RIT2: variants seen among roughly 807,000 people sequenced by gnomAD.
RIT2 encodes GTP-binding protein Rit2.
Under a neutral mutation model 23.7 loss-of-function variants are expected in RIT2, and 24 were observed. The ratio of observed to expected loss-of-function variants is 1.01; its 90% CI spans 0.73 to 1.43. RIT2 has a LOEUF of 1.43. Among genes scored for constraint, RIT2 ranks in the 40% most tolerant of loss-of-function variants. The pLI, the probability that RIT2 is intolerant of heterozygous loss-of-function variation, is 0.00. For synonymous variants in RIT2, 107 were observed against 91.1 expected (o/e 1.17, Z -0.99); for missense variants, 236 against 266.9 (o/e 0.88, Z 0.81).
intron 3 of RIT2, among the ~76,000 whole-genome samples, chr18:42,929,743 C>A: frequency 6.6e-6 from 1 of 152,106 alleles, no homozygotes; most frequent in African/African-American, 2.4e-5. Context: ...GGCTTGGGAC[C>A]CTGGGCAGCT....
At position 42,814,800 on chromosome 18, in the gene RIT2, C is replaced by A. The variant is rs193143541; in HGVS notation, c.427-71080G>T. Among the ~76,000 whole-genome samples, 184 of 152,236 alleles carry A rather than the reference C, an allele frequency of 1.2e-3. 1 individual carries two copies. The highest frequency in any genetic ancestry group is 1.9e-4 in the East Asian group (1 of 5,160). On this transcript the variant is annotated intron_variant, in intron 4 of 4. Coordinates refer to ENST00000326695, the MANE Select transcript of RIT2 (RefSeq NM_002930.4). ...TCATTAAACCACCAAAGCTAAGAACCCTTACAGAGTCCATTCTCCTCTCCC... is the reference window on the plus strand; with the variant it reads ...TCATTAAACCACCAAAGCTAAGAACACTTACAGAGTCCATTCTCCTCTCCC...
chr18:42,813,235 C>A (rs952940877), intron 4 of RIT2, among the ~76,000 whole-genome samples: 2 of 152,064 alleles, frequency 1.3e-5, no homozygotes, highest in African/African-American at 2.4e-5. Flanking sequence ...TTAATAGGTT[C>A]TCTTATTAAA....
chr18:42,743,810 C>T lies in RIT2; in HGVS notation c.427-90G>A, dbSNP rs1199476033. On this transcript the variant is annotated intron_variant, in intron 4 of 4. Coordinates refer to ENST00000326695, the MANE Select transcript of RIT2 (RefSeq NM_002930.4). Reference sequence around the variant, plus strand: ...TCTCTACTAGAGCTGTGTGTCAGGCCTCTGAGCCCAAGCCAAGCCATCGTA... The same window carrying T: ...TCTCTACTAGAGCTGTGTGTCAGGCTTCTGAGCCCAAGCCAAGCCATCGTA... 3 of 995,194 alleles carry T rather than the reference C, an allele frequency of 3.0e-6. No homozygotes were observed. The East Asian group carries it at 7.8e-5, about 26-fold the overall frequency. The allele number at this position is 995,194 out of a possible 1,614,324, so 61.6% of individuals were successfully genotyped here. A position where few individuals can be genotyped will look rare whatever the true frequency, so the allele number is the denominator to read the frequency against.
intron 2 of RIT2, among the ~76,000 whole-genome samples, chr18:43,010,342 C>G (rs1911323336): frequency 6.6e-6 from 1 of 151,792 alleles, no homozygotes; most frequent in South Asian, 2.1e-4. Flanking sequence ...ATTGTTTTCT[C>G]ACCATCTTAT....
At chr18:43,037,419 G>A (rs990062710) in intron 1 of RIT2, among the ~76,000 whole-genome samples, 1 of 151,984 alleles carries the variant, frequency 6.6e-6, no homozygotes, top group Non-Finnish European at 1.5e-5. Context: ...TATTTTGGGG[G>A]TTTATTCCTA....
At chr18:42,784,715 T>C (rs1913886956) in intron 4 of RIT2, among the ~76,000 whole-genome samples, 1 of 152,150 alleles carries the variant, frequency 6.6e-6, no homozygotes, top group African/African-American at 2.4e-5. Context: ...AAATCTTTTA[T>C]CTATCATTAA....
chr18:42,775,353 A>G (rs564663368), intron 4 of RIT2, among the ~76,000 whole-genome samples: 1 of 152,294 alleles, frequency 6.6e-6, no homozygotes, highest in African/African-American at 2.4e-5. Context: ...TAAATCAACT[A>G]TGTGTCCAGA....
chr18:42,823,838 C>A (rs911779557), intron 4 of RIT2, among the ~76,000 whole-genome samples: 4 of 152,050 alleles, frequency 2.6e-5, no homozygotes, highest in African/African-American at 9.7e-5. Context: ...GAGAAAGAGG[C>A]AGAACTGAGA....
chr18:43,086,425 G>A (rs1158224405), intron 1 of RIT2, among the ~76,000 whole-genome samples: 1 of 152,268 alleles, frequency 6.6e-6, no homozygotes, highest in African/African-American at 2.4e-5. Context: ...GAAGAAATAC[G>A]CATGATGGAA....
At chr18:43,026,848 A>G (rs1163741147) in intron 2 of RIT2, among the ~76,000 whole-genome samples, 1 of 152,096 alleles carries the variant, frequency 6.6e-6, no homozygotes, top group African/African-American at 2.4e-5. Flanking sequence ...TAACATATAC[A>G]TGATACACAA....
chr18:42,854,205 T>G (rs761126528), intron 4 of RIT2, among the ~76,000 whole-genome samples: 1 of 152,226 alleles, frequency 6.6e-6, no homozygotes, highest in South Asian at 2.1e-4. Context: ...GTGTAGTACA[T>G]GTACCTTTAT....
intron 3 of RIT2, among the ~76,000 whole-genome samples, chr18:42,926,528 A>G (rs1909184488): frequency 6.6e-6 from 1 of 151,968 alleles, no homozygotes; most frequent in African/African-American, 2.4e-5. Context: ...GACTACTTCA[A>G]CAAAAATATA....
chr18:42,776,128 C>T (rs1233571120), intron 4 of RIT2, among the ~76,000 whole-genome samples: 2 of 152,032 alleles, frequency 1.3e-5, no homozygotes, highest in South Asian at 4.2e-4. Flanking sequence ...AGGGAAGATA[C>T]AGTGATAGGA....
At chr18:42,908,883 A>C (rs1402685467) in intron 4 of RIT2, among the ~76,000 whole-genome samples, 1 of 152,156 alleles carries the variant, frequency 6.6e-6, no homozygotes, top group Non-Finnish European at 1.5e-5. Context: ...CCAACCTAAT[A>C]AATTAGTACA....
intron 4 of RIT2, among the ~76,000 whole-genome samples, chr18:42,835,126 C>T (rs1317721505): frequency 6.6e-6 from 1 of 152,010 alleles, no homozygotes; most frequent in East Asian, 1.9e-4. Context: ...GATTTCAGGT[C>T]AAAATGTTTC....
chr18:42,953,357 G>T (rs1356654199), intron 3 of RIT2, among the ~76,000 whole-genome samples: 1 of 152,046 alleles, frequency 6.6e-6, no homozygotes, highest in Admixed American at 6.6e-5. Context: ...TCAATGATTA[G>T]AAAGGAAAGA....
At chr18:42,800,778 G>A (rs150858095) in intron 4 of RIT2, among the ~76,000 whole-genome samples, 5,678 of 152,064 alleles carry the variant, frequency 0.037, 157 homozygotes, top group Non-Finnish European at 0.056. Flanking sequence ...TGATCCGCCC[G>A]CCTCGGCCTC....
intron 4 of RIT2, among the ~76,000 whole-genome samples, chr18:42,905,161 G>A (rs1264588152): frequency 6.6e-6 from 1 of 152,068 alleles, no homozygotes; most frequent in African/African-American, 2.4e-5. Flanking sequence ...GGGATTGCTG[G>A]TAATGCAAAG....
intron 4 of RIT2, among the ~76,000 whole-genome samples, chr18:42,875,318 C>T (rs1568018626): frequency 6.7e-6 from 1 of 148,458 alleles, no homozygotes; most frequent in Non-Finnish European, 1.5e-5. Flanking sequence ...CAGTTGCCTT[C>T]TTTCTCTCTC....
Sources: gnomAD v4.1 joint callset for allele counts (sites outside exome capture counted in the v4.1 genomes callset) on GRCh38, gnomAD v4.1.1 for gene constraint, MANE v1.5 for transcripts, NCBI Gene and HGNC (gene_info 2026-07-23, HGNC 2026-07-21) for gene names.